Variants in DENND6B observed in about 807,000 individuals in gnomAD.
The protein encoded by DENND6B is protein DENND6B.
DENND6B carries 73 observed loss-of-function variants against 85.1 expected under a neutral mutation model. The ratio of observed to expected loss-of-function variants is 0.86; its 90% CI spans 0.71 to 1.04. The LOEUF is 1.04. DENND6B is among the 50% of genes least tolerant of loss of function. The pLI, the probability that DENND6B is intolerant of heterozygous loss-of-function variation, is 0.00. For synonymous variants in DENND6B, 357 were observed against 329.3 expected (o/e 1.08, Z -0.91); for missense variants, 715 against 785.8 (o/e 0.91, Z 1.08).
At chr22:50,315,580 A>ATGG in intron 9 of DENND6B, 134 bp downstream of exon 9, 3 of 1,084,912 alleles carry the variant, frequency 2.8e-6, no homozygotes, top group Non-Finnish European at 3.9e-6. Flanking sequence ...ATACACACAC[A>ATGG]CACGTGCACA....
At chr22:50,312,935 G>A (rs1344431519) in intron 17 of DENND6B, 64 bp downstream of exon 17, 22 of 1,396,720 alleles carry the variant, frequency 1.6e-5, no homozygotes, top group African/African-American at 4.3e-5. Flanking sequence ...ACAGGCGGGG[G>A]GCCATGGGGC....
At position 50,311,414 on chromosome 22, in the gene DENND6B, C is replaced by G. The variant is rs2068058598; in HGVS notation, c.*725G>C. 5 of 152,280 alleles carry G rather than the reference C, an allele frequency of 3.3e-5. No individual in the cohort carries two copies. The highest frequency in any genetic ancestry group is 3.3e-4 in the Admixed American group (5 of 15,280). The allele number at this position is 152,280 out of a possible 1,614,324, so 9.4% of individuals were successfully genotyped here. Reference sequence around the variant, plus strand: ...CACACTTGGACAACAGGAGCCCTGTCCACCTCCCAGAAGGGACGCACGGAG... The same window carrying G: ...CACACTTGGACAACAGGAGCCCTGTGCACCTCCCAGAAGGGACGCACGGAG... On this transcript the variant is annotated 3_prime_UTR_variant, in exon 20 of 20. Coordinates refer to ENST00000413817, the MANE Select transcript of DENND6B (RefSeq NM_001001794.4).
At position 50,314,257 on chromosome 22, in the gene DENND6B, T is replaced by C. The variant is rs778364829; in HGVS notation, c.1088A>G (p.Gln363Arg). Residue 363 changes from glutamine (Q) to arginine (R), a missense_variant, in exon 13 of 20, where the codon CAA becomes CGA. Coordinates refer to ENST00000413817, the MANE Select transcript of DENND6B (RefSeq NM_001001794.4). ...CCTTGAAGGCTTTTTCAGCTTGACT[T>C]GCTTAGGCAGGTCTCCTACGAGACA... ...EPKMSGDLPK[Q>R]VKLKKPSRLK... 1 of 1,609,830 alleles carries C rather than the reference T, an allele frequency of 6.2e-7. No homozygotes were observed. The highest frequency in any genetic ancestry group is 1.1e-5 in the South Asian group (1 of 91,002).
intron 1 of DENND6B, among the ~76,000 whole-genome samples, chr22:50,325,580 C>T (rs1174959507): frequency 6.6e-6 from 1 of 152,144 alleles, no homozygotes; most frequent in Non-Finnish European, 1.5e-5. Flanking sequence ...TGTGATCTGC[C>T]TGCCTCGGCC....
At position 50,313,404 on chromosome 22, in the gene DENND6B, C is replaced by T. The variant is rs750261702; in HGVS notation, c.1347+42G>A. On this transcript the variant is annotated intron_variant, in intron 16 of 19. Transcript: ENST00000413817. ...CCCTCCTCCGGGTGAGGAAGGGAAC[C>T]CGCCCTCCATGGACCCCACAAAACC... The T allele has an allele frequency of 6.5e-6, 10 of 1,532,328 alleles. 1 individual carries two copies. In the Admixed American group the frequency reaches 2.1e-4, roughly 32 times the overall value. 94.9% of individuals were successfully genotyped at this position (1,532,328 alleles called of 1,614,324 possible).
chr22:50,326,629 C>G (rs1181379384), intron 1 of DENND6B, among the ~76,000 whole-genome samples, 183 bp downstream of exon 1: 2 of 152,248 alleles, frequency 1.3e-5, no homozygotes. Flanking sequence ...CGACTCCGAG[C>G]AGCTCGCCTT....
At chr22:50,316,663 C>T in intron 5 of DENND6B, 188 bp from the exon 6 acceptor site, 1 of 1,512,574 alleles carries the variant, frequency 6.6e-7, no homozygotes, top group Non-Finnish European at 8.8e-7. Flanking sequence ...CAGGAGAAAA[C>T]CCAACACTGA....
At chr22:50,314,979 GC>G in intron 9 of DENND6B, 58 bp from the exon 10 acceptor site, 1 of 1,590,334 alleles carries the variant, frequency 6.3e-7, no homozygotes, top group Non-Finnish European at 8.6e-7. Flanking sequence ...CCTGGCTCTG[GC>G]CCCGCTCTCC....
chr22:50,326,530 G>A (rs887916190), intron 1 of DENND6B, among the ~76,000 whole-genome samples: 1 of 152,218 alleles, frequency 6.6e-6, no homozygotes, highest in Non-Finnish European at 1.5e-5. Context: ...GGGAATGGAG[G>A]GGGGAGATGT....
intron 1 of DENND6B, among the ~76,000 whole-genome samples, chr22:50,320,203 C>G (rs1361316983): frequency 1.3e-5 from 2 of 152,232 alleles, no homozygotes; most frequent in African/African-American, 4.8e-5. Flanking sequence ...AGGAGCCGGG[C>G]CCTGGATGAA....
intron 1 of DENND6B, among the ~76,000 whole-genome samples, chr22:50,324,412 T>A (rs1224991136): frequency 6.6e-6 from 1 of 152,180 alleles, no homozygotes; most frequent in African/African-American, 2.4e-5. Context: ...TGGTGATAGC[T>A]GCTCAATGTG....
chr22:50,314,519 G>A lies in DENND6B; in HGVS notation c.978-25C>T, dbSNP rs778279381. 5.8e-6 allele frequency: 9 copies of A among 1,554,848 alleles called. No homozygotes were observed. In the East Asian group the frequency reaches 1.9e-4, roughly 33 times the overall value. ...TCTAGACAGACAGAGAGAGAGAAGA[G>A]GCAGAGACAGAGGTCCAGGGAGGTG... On this transcript the variant is annotated intron_variant, in intron 11 of 19. Coordinates refer to ENST00000413817, the MANE Select transcript of DENND6B (RefSeq NM_001001794.4).
At position 50,315,713 on chromosome 22, in the gene DENND6B, C is replaced by T. The variant is rs1392034403; in HGVS notation, c.758+1G>A. 9 of 1,567,866 alleles carry T rather than the reference C, an allele frequency of 5.7e-6. No individual in the cohort carries two copies. The highest frequency in any genetic ancestry group is 7.8e-6 in the Non-Finnish European group (9 of 1,158,296). On this transcript the variant is annotated splice_donor_variant, in intron 9 of 19. Coordinates refer to ENST00000413817, the MANE Select transcript of DENND6B (RefSeq NM_001001794.4). LOFTEE classifies it high-confidence loss of function. The stretch of plus-strand genomic sequence containing the variant: ...AGTGTGCAGAACCCTAGGGGGCTCA[C>T]CTGAACAGGTCCAGCTCGTGGACGC...
rs199993963 is a variant in DENND6B at position 50,316,345 on chromosome 22, A to C, written c.559+25T>G. 8.9e-6 allele frequency: 14 copies of C among 1,564,368 alleles called. No individual in the cohort carries two copies. In the East Asian group the frequency reaches 3.1e-4, roughly 35 times the overall value. The stretch of plus-strand genomic sequence containing the variant: ...CCACAGCTGGGATGATGAGACCACG[A>C]TGGCCACGACTGATGGCCACTCACC... On this transcript the variant is annotated intron_variant, in intron 6 of 19. Transcript: ENST00000413817.
At chr22:50,316,132 C>T in intron 7 of DENND6B, 42 bp downstream of exon 7, 1 of 1,612,638 alleles carries the variant, frequency 6.2e-7, no homozygotes, top group African/African-American at 1.3e-5. Flanking sequence ...AGGGCATCCC[C>T]ACACACCTGC....
At chr22:50,315,326 C>T (rs76684576) in intron 9 of DENND6B, among the ~76,000 whole-genome samples, 1 of 152,214 alleles carries the variant, frequency 6.6e-6, no homozygotes, top group Non-Finnish European at 1.5e-5. Flanking sequence ...AAAGCCCAGG[C>T]TCCCTTGCAG....
chr22:50,322,650 A>G (rs1250139507), intron 1 of DENND6B, among the ~76,000 whole-genome samples: 5 of 150,628 alleles, frequency 3.3e-5, no homozygotes. Context: ...CCCAGGTTCA[A>G]GCGATTCTCT....
chr22:50,315,963 G>A, intron 8 of DENND6B, 62 bp downstream of exon 8: 4 of 1,610,070 alleles, frequency 2.5e-6, no homozygotes, highest in Non-Finnish European at 3.4e-6. Flanking sequence ...ACCCGGCCCA[G>A]GAGCAGGACT....
rs386395718 is a variant in DENND6B, at chr22:50,323,020, CTTT to C, written c.177+3789_177+3791del. The stretch of plus-strand genomic sequence containing the variant: ...TGCCCACCGCCATGCCCGGCTAATG[CTTT>C]TTTTTTTTTTTTTTTTTTTTTTTTT... On this transcript the variant is annotated intron_variant, in intron 1 of 19. Coordinates refer to ENST00000413817, the MANE Select transcript of DENND6B (RefSeq NM_001001794.4). Among the ~76,000 whole-genome samples the C allele has an allele frequency of 5.9e-3, 232 of 39,002 alleles. 2 individuals carry two copies. Among genetic ancestry groups the C allele is most frequent in the African/African-American group, 0.028 (209 of 7,530 alleles). The allele number at this position is 39,002 out of a possible 152,430, so 25.6% of individuals were successfully genotyped here.
Sources: allele counts gnomAD v4.1 joint callset (sites outside exome capture counted in the v4.1 genomes callset), GRCh38; gene constraint gnomAD v4.1.1; transcripts MANE v1.5; gene names NCBI Gene and HGNC (gene_info 2026-07-23, HGNC 2026-07-21).